Variants in ADGRV1 observed in about 807,000 individuals in gnomAD.
ADGRV1 encodes G-protein coupled receptor 98.
In ADGRV1, 359 loss-of-function variants were observed where a neutral mutation model predicts 596.2. The observed-to-expected ratio is 0.60, with a 90% CI of 0.55 to 0.66. ADGRV1 has a LOEUF of 0.66. ADGRV1 is among the 30% of genes least tolerant of loss of function. The probability of loss-of-function intolerance (pLI) is 0.00; values close to 1 mark genes in which losing one functional copy is unlikely to be tolerated. For missense variants in ADGRV1, 7,274 were observed against 7,575.6 expected, an observed-to-expected ratio of 0.96 and a Z score of 1.48; for synonymous variants, 2,681 against 2,679.2, an observed-to-expected ratio of 1.00 and a Z score of -0.02.
intron 85 of ADGRV1, among the ~76,000 whole-genome samples, chr5:91,037,709 G>A (rs1785025751): frequency 6.6e-6 from 1 of 152,162 alleles, no homozygotes; most frequent in South Asian, 2.1e-4. Flanking sequence ...ATATTCGAGG[G>A]ACTTGATCTA....
chr5:91,007,804 C>G (rs1562081414), intron 85 of ADGRV1, among the ~76,000 whole-genome samples: 1 of 152,224 alleles, frequency 6.6e-6, no homozygotes, highest in East Asian at 1.9e-4. Context: ...CCAGAATTAC[C>G]CATTCGTTCT....
At chr5:90,905,730 C>G (rs1003046081) in intron 83 of ADGRV1, among the ~76,000 whole-genome samples, 7 of 151,890 alleles carry the variant, frequency 4.6e-5, no homozygotes, top group Non-Finnish European at 7.4e-5. Flanking sequence ...ATATCTTTCC[C>G]TTGTCTGATT....
chr5:90,975,645 T>C (rs1779498159), intron 84 of ADGRV1, among the ~76,000 whole-genome samples: 2 of 152,064 alleles, frequency 1.3e-5, no homozygotes, highest in Admixed American at 1.3e-4. Context: ...TAGGTAGGAA[T>C]TGAACAATGA....
chr5:90,668,137 C>A (rs1332042174), intron 21 of ADGRV1, among the ~76,000 whole-genome samples: 1 of 151,814 alleles, frequency 6.6e-6, no homozygotes, highest in African/African-American at 2.4e-5. Flanking sequence ...GTGGGCTCCA[C>A]CCAGTCTGAG....
intron 87 of ADGRV1, among the ~76,000 whole-genome samples, chr5:91,128,537 G>A (rs1343249139): frequency 6.6e-6 from 1 of 152,146 alleles, no homozygotes; most frequent in Non-Finnish European, 1.5e-5. Flanking sequence ...ATCCCTGGAT[G>A]AATAAATACT....
chr5:90,940,340 A>G (rs1776069226), intron 83 of ADGRV1, among the ~76,000 whole-genome samples: 1 of 152,236 alleles, frequency 6.6e-6, no homozygotes, highest in Non-Finnish European at 1.5e-5. Context: ...AGTGTTCACT[A>G]AGAATCCAAG....
intron 44 of ADGRV1, 109 bp from the exon 45 acceptor site, chr5:90,720,826 T>G: frequency 1.2e-6 from 1 of 827,880 alleles, no homozygotes; most frequent in Non-Finnish European, 1.7e-6. Context: ...TCATCTTGGA[T>G]TGTGTAAATT....
At chr5:90,681,227 TC>T in intron 26 of ADGRV1, 87 bp from the exon 27 acceptor site, 1 of 1,453,940 alleles carries the variant, frequency 6.9e-7, no homozygotes, top group Non-Finnish European at 9.3e-7. Flanking sequence ...AGGACTCTTT[TC>T]AAAAAGTTGT....
chr5:90,719,986 G>C (rs529583689), intron 43 of ADGRV1, 62 bp from the exon 44 acceptor site: 1 of 1,280,382 alleles, frequency 7.8e-7, no homozygotes, highest in Admixed American at 1.8e-5. Flanking sequence ...AGTAGATTTC[G>C]CTATATATGT....
At chr5:90,736,311 A>C in intron 50 of ADGRV1, among the ~76,000 whole-genome samples, 1 of 152,116 alleles carries the variant, frequency 6.6e-6, no homozygotes. Context: ...CATAAATTCC[A>C]AGAATAAATC....
rs142724746 is a variant in ADGRV1, at chr5:90,700,987, T to C, written c.8156-2678T>C. ...AAAATAAGTGTCTAAAACACTTAGG[T>C]TTATTAAAATGCATTCTTCATTCAT... On this transcript the variant is annotated intron_variant, in intron 34 of 89. Coordinates refer to ENST00000405460, the MANE Select transcript of ADGRV1 (RefSeq NM_032119.4). 4.2e-3 allele frequency among the ~76,000 whole-genome samples: 635 copies of C among 152,208 alleles called. 3 individuals are homozygous for C. Among genetic ancestry groups the C allele is most frequent in the African/African-American group, 0.014 (579 of 41,548 alleles).
At chr5:90,817,178 T>C (rs1339554875) in intron 75 of ADGRV1, among the ~76,000 whole-genome samples, 1 of 151,370 alleles carries the variant, frequency 6.6e-6, no homozygotes, top group Non-Finnish European at 1.5e-5. Context: ...ATGAGCATTT[T>C]TTCATGTGTT....
chr5:90,763,216 T>A (rs1053545088), intron 58 of ADGRV1, 89 bp from the exon 59 acceptor site: 12 of 1,121,306 alleles, frequency 1.1e-5, no homozygotes, highest in Non-Finnish European at 1.4e-5. Flanking sequence ...AAAACTGCAG[T>A]CATTGTAAAC....
intron 1 of ADGRV1, among the ~76,000 whole-genome samples, chr5:90,595,877 T>C (rs1372406011): frequency 1.5e-5 from 2 of 131,652 alleles, no homozygotes; most frequent in Non-Finnish European, 3.3e-5. Context: ...GCGGCTGGCC[T>C]GGCGGGGGGC....
At chr5:91,028,489 T>G (rs1301814665) in intron 85 of ADGRV1, among the ~76,000 whole-genome samples, 3 of 152,162 alleles carry the variant, frequency 2.0e-5, no homozygotes, top group Admixed American at 2.0e-4. Flanking sequence ...TGCTCTTTTT[T>G]GTCCGGCCCA....
rs371646432 is a variant in ADGRV1 at position 90,720,096 on chromosome 5, T to G, written c.9496T>G (p.Tyr3166Asp). 4.7e-5 allele frequency: 76 copies of G among 1,613,636 alleles called. No individual in the cohort carries two copies. The African/African-American group carries it at 7.9e-4, about 17-fold the overall frequency. ...AGACACGGAACCAGAAATGGATGAG[T>G]ATTTTGTTTGCACCTTGTTTAATCC... ...ILDTEPEMDE[Y>D]FVCTLFNPTG... Residue 3166 changes from tyrosine to aspartate, a missense_variant, in exon 44 of 90, where the codon TAT becomes GAT. Tyr to Asp is a radical substitution (Grantham distance 160). Around this residue, in one of 5 missense-constraint regions of ADGRV1, gnomAD observed 3,643 missense variants for 3,809.2 expected, o/e 0.96. Coordinates refer to ENST00000405460, the MANE Select transcript of ADGRV1 (RefSeq NM_032119.4).
At chr5:90,576,373 CTGT>C (rs1757217015) in intron 1 of ADGRV1, among the ~76,000 whole-genome samples, 1 of 149,490 alleles carries the variant, frequency 6.7e-6, no homozygotes, top group Admixed American at 6.9e-5. Flanking sequence ...GTTTGGTTTT[CTGT>C]TGTTGTGATA....
chr5:91,078,196 AT>A (rs1287765739), intron 86 of ADGRV1, among the ~76,000 whole-genome samples: 2 of 152,020 alleles, frequency 1.3e-5, no homozygotes, highest in Non-Finnish European at 2.9e-5. Context: ...ATAAATCAAT[AT>A]TTTATTATTA....
chr5:90,847,326 C>T (rs1055977873), intron 78 of ADGRV1, among the ~76,000 whole-genome samples: 1 of 152,192 alleles, frequency 6.6e-6, no homozygotes, highest in Non-Finnish European at 1.5e-5. Flanking sequence ...CTGAGCTAGA[C>T]ACAGGGTGCT....
Sources: allele counts gnomAD v4.1 joint callset (sites outside exome capture counted in the v4.1 genomes callset), GRCh38; gene constraint gnomAD v4.1.1; regional missense constraint gnomAD v4.1.1; transcripts MANE v1.5; gene names NCBI Gene and HGNC (gene_info 2026-07-23, HGNC 2026-07-21).